CLIP2: variants seen among roughly 807,000 people sequenced by gnomAD.
CLIP2 encodes the protein CAP-Gly domain-containing linker protein 2.
A neutral mutation model predicts 111.7 loss-of-function variants in CLIP2; 41 were observed. The observed-to-expected ratio is 0.37, with a 90% CI of 0.29 to 0.48. CLIP2 has a LOEUF of 0.48. Among genes scored for constraint, CLIP2 ranks in the 20% least tolerant of loss-of-function variants. CLIP2 has a pLI of 0.99. For missense variants in CLIP2, 1,160 were observed against 1,422.1 expected (o/e 0.82, Z 2.96); for synonymous variants, 660 against 644.2 (o/e 1.02, Z -0.37).
intron 8 of CLIP2, chr7:74,364,696 T>C: frequency 2.8e-6 from 1 of 352,568 alleles, no homozygotes; most frequent in Non-Finnish European, 5.6e-6. Context: ...GCTTGCTGAG[T>C]CACAGAATTT....
At position 74,364,358 on chromosome 7, in the gene CLIP2, T is replaced by G. The variant is rs782212487; in HGVS notation, c.1380+43T>G. 14 of 1,563,650 alleles carry G rather than the reference T, an allele frequency of 9.0e-6. No individual in the cohort carries two copies. The Admixed American group carries it at 2.1e-4, about 23-fold the overall frequency. On this transcript the variant is annotated intron_variant, in intron 8 of 16. Transcript: ENST00000223398. ...CTTCCCTGGGCACACTTAGCACCGG[T>G]GCCTGGCCCTTGCTAGGGCAGATGG...
intron 1 of CLIP2, among the ~76,000 whole-genome samples, chr7:74,315,630 G>A (rs1788749716): frequency 6.6e-6 from 1 of 151,760 alleles, no homozygotes; most frequent in South Asian, 2.1e-4. Context: ...GAGTGCAGTG[G>A]TGCGATCTCG....
intron 3 of CLIP2, among the ~76,000 whole-genome samples, chr7:74,351,061 GAAAGAGAA>G (rs1412124986): frequency 6.6e-4 from 45 of 67,802 alleles, no homozygotes; most frequent in Middle Eastern, 8.3e-3. Flanking sequence ...AGAGAAGAAA[GAAAGAGAA>G]AGAAAGAAAG....
chr7:74,310,017 T>G (rs1788601085), intron 1 of CLIP2, among the ~76,000 whole-genome samples: 1 of 92,506 alleles, frequency 1.1e-5, no homozygotes, highest in Non-Finnish European at 2.1e-5. Context: ...TTGGGCAATA[T>G]GGCAAGACCC....
At chr7:74,342,044 G>A (rs1331536902) in intron 3 of CLIP2, among the ~76,000 whole-genome samples, 8 of 152,142 alleles carry the variant, frequency 5.3e-5, no homozygotes, top group East Asian at 1.9e-4. Context: ...CCAGAGCATC[G>A]TGCCAGGCAG....
At chr7:74,349,620 G>T (rs1789922558) in intron 3 of CLIP2, among the ~76,000 whole-genome samples, 1 of 150,886 alleles carries the variant, frequency 6.6e-6, no homozygotes, top group African/African-American at 2.4e-5. Context: ...GCCACATATT[G>T]TGTGATTCCA....
At position 74,382,605 on chromosome 7, in the gene CLIP2, C is replaced by T. The variant is rs370175154; in HGVS notation, c.2479+1742C>T. Among the ~76,000 whole-genome samples the T allele has an allele frequency of 2.8e-4, 43 of 151,706 alleles. No individual in the cohort carries two copies. The East Asian group carries it at 6.8e-3, about 24-fold the overall frequency. The stretch of plus-strand genomic sequence containing the variant: ...GGGATTACAGGCATGAGCCACCATG[C>T]CCGGCTTCTATTTGCATTTCTATTT... On this transcript the variant is annotated intron_variant, in intron 11 of 16. Transcript: ENST00000223398.
chr7:74,402,740 C>T (rs1791656071), intron 16 of CLIP2, among the ~76,000 whole-genome samples: 1 of 152,116 alleles, frequency 6.6e-6, no homozygotes, highest in South Asian at 2.1e-4. Context: ...TGCAGAATCC[C>T]TGGAGCACAG....
intron 2 of CLIP2, among the ~76,000 whole-genome samples, chr7:74,319,685 G>A (rs1258923927): frequency 6.6e-6 from 1 of 151,914 alleles, no homozygotes; most frequent in Non-Finnish European, 1.5e-5. Context: ...GCCAGGCATG[G>A]TAGTGTGTGC....
chr7:74,328,664 C>G (rs1789188406), intron 2 of CLIP2, among the ~76,000 whole-genome samples: 1 of 152,138 alleles, frequency 6.6e-6, no homozygotes, highest in South Asian at 2.1e-4. Flanking sequence ...TTAGGTGATC[C>G]TAAGGGTAAA....
intron 12 of CLIP2, among the ~76,000 whole-genome samples, chr7:74,388,421 A>G (rs1791181820): frequency 6.6e-6 from 1 of 151,532 alleles, no homozygotes; most frequent in South Asian, 2.1e-4. Context: ...AATTGCTGCA[A>G]CCTGGGAGGC....
At position 74,376,898 on chromosome 7, in the gene CLIP2, G is replaced by C; in HGVS notation, c.2421+76G>C. On this transcript the variant is annotated intron_variant, in intron 10 of 16. Coordinates refer to ENST00000223398, the MANE Select transcript of CLIP2 (RefSeq NM_003388.5). This position sits in a 1 kb window ranked among gnomAD's most constrained non-coding sequence, Gnocchi z 7.1. Reference sequence around the variant, plus strand: ...TTGGCCTTTTGCTGACCTCTGTTCTGCAGCCCAGGAAGCATTTCCCTTGTC... The same window carrying C: ...TTGGCCTTTTGCTGACCTCTGTTCTCCAGCCCAGGAAGCATTTCCCTTGTC... The C allele has an allele frequency of 7.5e-7, 1 of 1,341,538 alleles. No individual in the cohort carries two copies. Among genetic ancestry groups the C allele is most frequent in the South Asian group, 1.5e-5 (1 of 66,516 alleles). The allele number at this position is 1,341,538 out of a possible 1,614,324, so 83.1% of individuals were successfully genotyped here.
At chr7:74,358,018 G>C (rs1554308897) in intron 6 of CLIP2, among the ~76,000 whole-genome samples, 1 of 148,744 alleles carries the variant, frequency 6.7e-6, no homozygotes, top group Non-Finnish European at 1.5e-5. Flanking sequence ...GCCTCCCAAA[G>C]TGCTGGGATT....
chr7:74,385,186 T>A, intron 11 of CLIP2, among the ~76,000 whole-genome samples: 1 of 146,740 alleles, frequency 6.8e-6, no homozygotes, highest in African/African-American at 2.5e-5. Context: ...TCGCAGCTAC[T>A]CAGGAGGCTG....
chr7:74,314,452 C>T (rs1788716547), intron 1 of CLIP2, among the ~76,000 whole-genome samples: 1 of 152,296 alleles, frequency 6.6e-6, no homozygotes, highest in Non-Finnish European at 1.5e-5. Flanking sequence ...GATCATGACA[C>T]TGCACTCCAG....
chr7:74,302,475 A>C (rs1051144959), intron 1 of CLIP2, among the ~76,000 whole-genome samples: 6 of 152,112 alleles, frequency 3.9e-5, no homozygotes, highest in Non-Finnish European at 7.4e-5. Flanking sequence ...TCAGCCTCCC[A>C]CCAGGCCTGG....
intron 1 of CLIP2, among the ~76,000 whole-genome samples, chr7:74,304,556 C>CAAA (rs11372908): frequency 7.7e-6 from 1 of 130,542 alleles, no homozygotes; most frequent in Non-Finnish European, 1.6e-5. Flanking sequence ...GAGACTCTGA[C>CAAA]AAAAAAAAAA....
chr7:74,319,781 G>A (rs536447260), intron 2 of CLIP2, among the ~76,000 whole-genome samples: 5 of 150,930 alleles, frequency 3.3e-5, no homozygotes, highest in Non-Finnish European at 5.9e-5. Flanking sequence ...TGATCACACC[G>A]CTGCACTCCA....
chr7:74,347,255 A>G (rs1262296667), intron 3 of CLIP2, among the ~76,000 whole-genome samples: 1 of 151,988 alleles, frequency 6.6e-6, no homozygotes, highest in Non-Finnish European at 1.5e-5. Context: ...AAAAAGGTAG[A>G]TGAAGTGAAC....
Sources: gnomAD v4.1 joint callset for allele counts (sites outside exome capture counted in the v4.1 genomes callset) on GRCh38, gnomAD v4.1.1 for gene constraint, Gnocchi (gnomAD v3.1) non-coding constraint, MANE v1.5 for transcripts, NCBI Gene and HGNC (gene_info 2026-07-23, HGNC 2026-07-21) for gene names.